MESP1: variants seen among roughly 807,000 people sequenced by gnomAD.
The protein encoded by MESP1 is mesoderm posterior bHLH transcription factor 1.
A neutral mutation model predicts 15.2 loss-of-function variants in MESP1; 22 were observed. The observed-to-expected ratio is 1.45, with a 90% CI of 1.04 to 2.07. MESP1 has a LOEUF of 2.07. Among genes scored for constraint, MESP1 ranks in the 30% most tolerant of loss-of-function variants. The probability of loss-of-function intolerance (pLI) is 0.00; values close to 1 mark genes in which losing one functional copy is unlikely to be tolerated. For synonymous variants in MESP1, 216 were observed against 192.6 expected, an observed-to-expected ratio of 1.12 and a Z score of -1.01; for missense variants, 484 against 411.9, an observed-to-expected ratio of 1.17 and a Z score of -1.51.
At chr15:89,746,059 C>T (rs1453531120), downstream of MESP1, among the ~76,000 whole-genome samples, 2 of 146,652 alleles carry the variant, frequency 1.4e-5, no homozygotes, top group African/African-American at 5.1e-5. Flanking sequence ...CCACACCTGA[C>T]ACCTCCACAC....
chr15:89,750,466 G>A (rs771881544), intron 1 of MESP1, 43 bp downstream of exon 1: 1 of 1,472,160 alleles, frequency 6.8e-7, no homozygotes, highest in South Asian at 1.4e-5. Context: ...GGGGCTGTGC[G>A]CGGGGGCACG....
chr15:89,748,173 C>T (rs1241853456), downstream of MESP1, among the ~76,000 whole-genome samples: 2 of 152,226 alleles, frequency 1.3e-5, no homozygotes, highest in Admixed American at 6.5e-5. Context: ...CATTCTAAAA[C>T]GCAGGGCCTT....
the MESP1 span, among the ~76,000 whole-genome samples, chr15:89,736,348 C>T: frequency 6.6e-6 from 1 of 152,086 alleles, no homozygotes; most frequent in Non-Finnish European, 1.5e-5. Flanking sequence ...GGTGAGGGGC[C>T]TACAGGACCC....
the MESP1 span, among the ~76,000 whole-genome samples, chr15:89,741,627 C>CT: frequency 6.6e-6 from 1 of 152,176 alleles, no homozygotes; most frequent in Non-Finnish European, 1.5e-5. Flanking sequence ...CAGCCCTTTC[C>CT]TTTAAGAGGC....
At chr15:89,736,659 A>T in the MESP1 span, among the ~76,000 whole-genome samples, 2 of 152,014 alleles carry the variant, frequency 1.3e-5, no homozygotes, top group Non-Finnish European at 2.9e-5. Context: ...AACCAAGAAC[A>T]TGGTGGAGAC....
the MESP1 span, among the ~76,000 whole-genome samples, chr15:89,739,836 A>G: frequency 6.6e-6 from 1 of 150,406 alleles, no homozygotes; most frequent in African/African-American, 2.4e-5. Flanking sequence ...CTCTGTGTAG[A>G]CTCTTTACTC....
downstream of MESP1, among the ~76,000 whole-genome samples, chr15:89,746,185 G>T (rs1299658115): frequency 2.3e-5 from 3 of 131,048 alleles, no homozygotes; most frequent in East Asian, 7.3e-4. Flanking sequence ...CCTCCACACA[G>T]CATCCATACC....
At chr15:89,740,782 A>G in the MESP1 span, among the ~76,000 whole-genome samples, 3 of 152,116 alleles carry the variant, frequency 2.0e-5, no homozygotes, top group East Asian at 1.9e-4. Flanking sequence ...GATTACAGAC[A>G]TGAGCCACCA....
chr15:89,734,586 A>G, the MESP1 span, among the ~76,000 whole-genome samples: 1 of 152,250 alleles, frequency 6.6e-6, no homozygotes, highest in African/African-American at 2.4e-5. Flanking sequence ...GTAGAAAAAC[A>G]GACTCCATCT....
the MESP1 span, among the ~76,000 whole-genome samples, chr15:89,743,859 T>G: frequency 6.6e-6 from 1 of 152,076 alleles, no homozygotes; most frequent in Non-Finnish European, 1.5e-5. Context: ...TAGAATAGCT[T>G]TGAGGAGGTG....
At chr15:89,747,035 C>T (rs947613942), downstream of MESP1, among the ~76,000 whole-genome samples, 8 of 143,374 alleles carry the variant, frequency 5.6e-5, no homozygotes, top group African/African-American at 2.2e-4. Flanking sequence ...AGCCCCACCA[C>T]ACACACATGC....
the MESP1 span, chr15:89,743,325 G>A: frequency 9.2e-5 from 149 of 1,614,238 alleles, no homozygotes; most frequent in Non-Finnish European, 1.0e-4. Context: ...CAGAGAAGGA[G>A]GAGGAGCACT....
At chr15:89,740,376 G>A in the MESP1 span, among the ~76,000 whole-genome samples, 3 of 152,196 alleles carry the variant, frequency 2.0e-5, no homozygotes, top group African/African-American at 2.4e-5. Context: ...GTCAGGAGAC[G>A]AATATGGTCT....
chr15:89,739,835 G>A, the MESP1 span, among the ~76,000 whole-genome samples: 3 of 152,082 alleles, frequency 2.0e-5, no homozygotes, highest in African/African-American at 7.2e-5. Context: ...TCTCTGTGTA[G>A]ACTCTTTACT....
At chr15:89,750,411 C>G in intron 1 of MESP1, 98 bp downstream of exon 1, 1 of 1,450,640 alleles carries the variant, frequency 6.9e-7, no homozygotes, top group Non-Finnish European at 9.1e-7. Flanking sequence ...GCCAGGCTGC[C>G]GGCGGGGAGC....
chr15:89,737,027 G>C, the MESP1 span, among the ~76,000 whole-genome samples: 1,289 of 152,242 alleles, frequency 8.5e-3, 11 homozygotes, highest in Middle Eastern at 0.02. Flanking sequence ...TCCTGACCTC[G>C]TGATCCGCCC....
downstream of MESP1, among the ~76,000 whole-genome samples, chr15:89,745,827 GC>G (rs903705269): frequency 7.3e-5 from 11 of 150,960 alleles, no homozygotes; most frequent in African/African-American, 2.4e-4. This position sits in a 1 kb window ranked among gnomAD's most constrained non-coding sequence, Gnocchi z 4.8. Context: ...GCATACCAAT[GC>G]CCAGGTGCAG....
chr15:89,746,142 C>CAGCATCCACACAGCATCCACAT (rs1567138916), downstream of MESP1, among the ~76,000 whole-genome samples: 76 of 149,458 alleles, frequency 5.1e-4, no homozygotes, highest in African/African-American at 1.4e-3. Context: ...AGCATCCACA[C>CAGCATCCACACAGCATCCACAT]AGCATCCACA....
chr15:89,739,071 G>A, the MESP1 span, among the ~76,000 whole-genome samples: 3 of 151,262 alleles, frequency 2.0e-5, no homozygotes, highest in Non-Finnish European at 4.4e-5. Flanking sequence ...AGCCAAGATC[G>A]TGCCATTGCA....
Sources: gnomAD v4.1 joint callset for allele counts (sites outside exome capture counted in the v4.1 genomes callset) on GRCh38, gnomAD v4.1.1 for gene constraint, Gnocchi (gnomAD v3.1) non-coding constraint, MANE v1.5 for transcripts, NCBI Gene and HGNC (gene_info 2026-07-23, HGNC 2026-07-21) for gene names.